The following ZNF287 variants were observed in gnomAD, a reference collection of about 807,000 sequenced individuals.
ZNF287 encodes the protein zinc finger protein 287.
In ZNF287, 31 loss-of-function variants were observed where a neutral mutation model predicts 73.7. The observed-to-expected ratio is 0.42, with a 90% CI of 0.32 to 0.57. ZNF287 has a LOEUF of 0.57. Among genes scored for constraint, ZNF287 ranks in the 20% least tolerant of loss-of-function variants. The probability of loss-of-function intolerance (pLI) is 0.13; values close to 1 mark genes in which losing one functional copy is unlikely to be tolerated. For missense variants in ZNF287, 641 were observed against 909.3 expected (o/e 0.70, Z 3.79); for synonymous variants, 301 against 307.2 (o/e 0.98, Z 0.21).
At chr17:16,555,995 T>TA (rs1453607678) in intron 5 of ZNF287, among the ~76,000 whole-genome samples, 1 of 151,984 alleles carries the variant, frequency 6.6e-6, no homozygotes, top group Admixed American at 6.5e-5. Flanking sequence ...AGTAAGAGAC[T>TA]AGTTATTAAT....
intron 2 of ZNF287, among the ~76,000 whole-genome samples, chr17:16,566,983 T>C (rs967366279): frequency 6.6e-6 from 1 of 152,184 alleles, no homozygotes; most frequent in Admixed American, 6.5e-5. Context: ...AAGCAAATGA[T>C]TTATTAGTAG....
rs529901105 is a variant in ZNF287 at position 16,554,590 on chromosome 17, C to G, written c.716-1164G>C. 9.2e-5 allele frequency among the ~76,000 whole-genome samples: 14 copies of G among 152,292 alleles called. No homozygotes were observed. In the East Asian group the frequency reaches 2.7e-3, roughly 29 times the overall value. ...TAAAAAAGATGTTTATAGTCCAGCT[C>G]ATATTTCTCTCTACAATGCTTCTTT... On this transcript the variant is annotated intron_variant, in intron 5 of 5. Transcript: ENST00000395825.
Position 16,567,949 on chromosome 17 carries a change from C to T in ZNF287, c.-198-20G>A, listed in dbSNP as rs1345582305. ...GAGACCCTGAAACACAAGCATGGAC[C>T]ACAAGGTCAAGAATCCCTGGTGTAC... On this transcript the variant is annotated intron_variant, in intron 1 of 5. Coordinates refer to ENST00000395825, the MANE Select transcript of ZNF287 (RefSeq NM_020653.4). 6 of 1,404,328 alleles carry T rather than the reference C, an allele frequency of 4.3e-6. No homozygotes were observed. In the African/African-American group the frequency reaches 8.7e-5, roughly 20 times the overall value. The allele number at this position is 1,404,328 out of a possible 1,614,324, so 87.0% of individuals were successfully genotyped here.
Position 16,548,421 on chromosome 17 carries a change from G to A in ZNF287, c.*3435C>T, listed in dbSNP as rs1361991371. ...CTTCTAATTTATGGAAACTACAGGG[G>A]GTACCGGAACAACCCACATGTAAAT... is the stretch of plus-strand genomic sequence containing the variant. On this transcript the variant is annotated 3_prime_UTR_variant, in exon 6 of 6. Transcript: ENST00000395825. 1.3e-5 allele frequency among the ~76,000 whole-genome samples: 2 copies of A among 152,054 alleles called. No individual in the cohort carries two copies. Among genetic ancestry groups the A allele is most frequent in the Admixed American group, 6.6e-5 (1 of 15,260 alleles).
At chr17:16,564,641 T>C (rs1418897294) in intron 3 of ZNF287, among the ~76,000 whole-genome samples, 1 of 152,242 alleles carries the variant, frequency 6.6e-6, no homozygotes, top group Non-Finnish European at 1.5e-5. Flanking sequence ...AGTCTTTCTT[T>C]TTAAAAATAT....
intron 1 of ZNF287, 127 bp from the exon 2 acceptor site, chr17:16,568,056 C>A (rs1425755134): frequency 1.1e-6 from 1 of 911,580 alleles, no homozygotes. Flanking sequence ...GTCTTCCTCC[C>A]CTATATCCTT....
In ZNF287 at chr17:16,551,665, A is replaced by G. The variant is rs953455047; in HGVS notation, c.*191T>C. 1.9e-5 allele frequency: 10 copies of G among 539,768 alleles called. No individual in the cohort carries two copies. The African/African-American group carries it at 1.9e-4, about 10-fold the overall frequency. The allele number at this position is 539,768 out of a possible 1,614,324, so 33.4% of individuals were successfully genotyped here. A position where few individuals can be genotyped will look rare whatever the true frequency, so the allele number is the denominator to read the frequency against. On this transcript the variant is annotated 3_prime_UTR_variant, in exon 6 of 6. Coordinates refer to ENST00000395825, the MANE Select transcript of ZNF287 (RefSeq NM_020653.4). ...AAAATCATATCAAATTAAGGTTAAG[A>G]AGTCAAGTTTCCTTCTTAAATTTCA...
At chr17:16,563,344 T>A in intron 4 of ZNF287, 112 bp from the exon 5 acceptor site, 1 of 705,194 alleles carries the variant, frequency 1.4e-6, no homozygotes, top group Non-Finnish European at 2.4e-6. Context: ...AAAACAATAG[T>A]TCATGGACAT....
Position 16,548,551 on chromosome 17 carries a change from A to G in ZNF287, c.*3305T>C, listed in dbSNP as rs1039186237. ...GGTGGTTCACGCCTGTAATGCCAGTACTTTGGGAGGCTGAGGCGGGTGGAT... is the reference window on the plus strand; with the variant it reads ...GGTGGTTCACGCCTGTAATGCCAGTGCTTTGGGAGGCTGAGGCGGGTGGAT... On this transcript the variant is annotated 3_prime_UTR_variant, in exon 6 of 6. Coordinates refer to ENST00000395825, the MANE Select transcript of ZNF287 (RefSeq NM_020653.4). Among the ~76,000 whole-genome samples, 4 of 152,164 alleles carry G rather than the reference A, an allele frequency of 2.6e-5. No individual in the cohort carries two copies. Among genetic ancestry groups the G allele is most frequent in the Non-Finnish European group, 1.5e-5 (1 of 68,040 alleles).
chr17:16,566,230 A>ACC (rs1907734060), intron 3 of ZNF287, among the ~76,000 whole-genome samples: 1 of 152,226 alleles, frequency 6.6e-6, no homozygotes, highest in Non-Finnish European at 1.5e-5. Flanking sequence ...TTCCAATGGT[A>ACC]GAGCCGGGAA....
Position 16,550,750 on chromosome 17 carries a change from G to C in ZNF287, c.*1106C>G, listed in dbSNP as rs921129677. The stretch of plus-strand genomic sequence containing the variant: ...AGCATAGTAGACACTCAAGAAACGT[G>C]TTTCAGTGGAAGAAATGAACTTTCC... On this transcript the variant is annotated 3_prime_UTR_variant, in exon 6 of 6. Transcript: ENST00000395825. 6.6e-6 allele frequency among the ~76,000 whole-genome samples: 1 copy of C among 152,148 alleles called. No homozygotes were observed. Among genetic ancestry groups the C allele is most frequent in the African/African-American group, 2.4e-5 (1 of 41,430 alleles).
At position 16,547,904 on chromosome 17, in the gene ZNF287, T is replaced by C. The variant is rs1906371225; in HGVS notation, c.*3952A>G. Among the ~76,000 whole-genome samples, 1 of 152,218 alleles carries C rather than the reference T, an allele frequency of 6.6e-6. No individual in the cohort carries two copies. Among genetic ancestry groups the C allele is most frequent in the African/African-American group, 2.4e-5 (1 of 41,462 alleles). On this transcript the variant is annotated 3_prime_UTR_variant, in exon 6 of 6. Transcript: ENST00000395825. The stretch of plus-strand genomic sequence containing the variant: ...ATCAGAAACAATGATCATAAATGAC[T>C]TAACACATTGAATCATGTGTTATCA...
intron 4 of ZNF287, 155 bp from the exon 5 acceptor site, chr17:16,563,387 A>T: frequency 1.6e-6 from 1 of 608,820 alleles, no homozygotes. Flanking sequence ...GTTGATTGTT[A>T]TCCTTTCAGA....
chr17:16,563,407 A>G, intron 4 of ZNF287, 175 bp from the exon 5 acceptor site: 1 of 604,612 alleles, frequency 1.7e-6, no homozygotes, highest in Non-Finnish European at 2.8e-6. Flanking sequence ...AGACAGGATA[A>G]CAATTTCCTG....
chr17:16,563,095 A>C (rs754020961), intron 5 of ZNF287, 51 bp downstream of exon 5: 2 of 1,382,686 alleles, frequency 1.4e-6, no homozygotes, highest in Non-Finnish European at 2.0e-6. Flanking sequence ...CACCACATTT[A>C]GGATATAGAT....
chr17:16,559,360 T>C (rs193115364), intron 5 of ZNF287: 52 of 152,330 alleles, frequency 3.4e-4, no homozygotes, highest in African/African-American at 1.3e-3. Flanking sequence ...CTTTCTAGAC[T>C]GTTTGTTATA....
chr17:16,560,310 GTATA>G (rs71152817), intron 5 of ZNF287, among the ~76,000 whole-genome samples: 63 of 112,820 alleles, frequency 5.6e-4, no homozygotes, highest in African/African-American at 2.3e-3. Flanking sequence ...CAACAGTGGT[GTATA>G]TATATATATA....
In ZNF287 at chr17:16,553,360, G is replaced by A; in HGVS notation, c.782C>T (p.Thr261Ile). 1 of 1,610,610 alleles carries A rather than the reference G, an allele frequency of 6.2e-7. No individual in the cohort carries two copies. The highest frequency in any genetic ancestry group is 8.5e-7 in the Non-Finnish European group (1 of 1,178,514). Reference sequence around the variant, plus strand: ...TGAGTCTTCTAATTTGATGGTATGGGTTTCTTCCTTTGTGAGTTTAGACAT... The same window carrying A: ...TGAGTCTTCTAATTTGATGGTATGGATTTCTTCCTTTGTGAGTTTAGACAT... ...EDMSKLTKEETHTIKLEDSYD... is the reference protein window; with the variant it reads ...EDMSKLTKEEIHTIKLEDSYD... The change falls in exon 6 of 6, where the codon ACC (threonine) becomes ATC (isoleucine). Residue 261 changes from threonine (T) to isoleucine (I), a missense_variant. Physicochemically the swap from Thr to Ile is moderately conservative, Grantham distance 89. Around this residue, in one of 2 missense-constraint regions of ZNF287, gnomAD observed 357 missense variants for 442.4 expected, o/e 0.81. Transcript: ENST00000395825.
chr17:16,561,954 T>G (rs935683082), intron 5 of ZNF287, among the ~76,000 whole-genome samples: 2 of 152,220 alleles, frequency 1.3e-5, no homozygotes, highest in African/African-American at 2.4e-5. Context: ...ATCATGCTTA[T>G]GTAGAAGAAT....
Sources: gnomAD v4.1 joint callset for allele counts (sites outside exome capture counted in the v4.1 genomes callset) on GRCh38, gnomAD v4.1.1 for gene constraint, gnomAD v4.1.1 regional missense constraint, MANE v1.5 for transcripts, NCBI Gene and HGNC (gene_info 2026-07-23, HGNC 2026-07-21) for gene names.